The following IL15RA variants were observed in gnomAD, a reference collection of about 807,000 sequenced individuals.
The protein encoded by IL15RA is interleukin-15 receptor subunit alpha.
In IL15RA, 26 loss-of-function variants were observed where a neutral mutation model predicts 24.2. That is an observed-to-expected ratio of 1.07 (90% CI 0.79 to 1.49). IL15RA has a LOEUF of 1.49. Ranked by LOEUF, IL15RA falls within the 40% of genes most tolerant of loss-of-function variation. IL15RA has a pLI of 0.00. For missense variants in IL15RA, 354 were observed against 356.4 expected, an observed-to-expected ratio of 0.99 and a Z score of 0.05; for synonymous variants, 166 against 157.6, an observed-to-expected ratio of 1.05 and a Z score of -0.40.
Position 5,968,662 on chromosome 10 carries a change from C to T in IL15RA, c.89-2323G>A. On this transcript the variant is annotated intron_variant, in intron 1 of 6. Transcript: ENST00000379977. This position sits in a 1 kb window ranked among gnomAD's most constrained non-coding sequence, Gnocchi z 5.4. ...GCTGGAGTGTCAGAGGCTTTTTCTC[C>T]ATGTTCTGCTCCACACTGATCTTCT... The T allele has an allele frequency of 1.6e-6, 1 of 644,790 alleles. No individual in the cohort carries two copies. Among genetic ancestry groups the T allele is most frequent in the Admixed American group, 2.3e-5 (1 of 44,296 alleles). 39.9% of individuals were successfully genotyped at this position (644,790 alleles called of 1,614,324 possible).
chr10:5,957,265 TACA>T (rs1834678034), intron 5 of IL15RA, among the ~76,000 whole-genome samples: 1 of 151,978 alleles, frequency 6.6e-6, no homozygotes, highest in Non-Finnish European at 1.5e-5. Flanking sequence ...CCAGTCTACC[TACA>T]ACTTTTTCTT....
chr10:5,974,086 G>GC (rs1489428308), intron 1 of IL15RA, among the ~76,000 whole-genome samples: 1 of 151,922 alleles, frequency 6.6e-6, no homozygotes, highest in Non-Finnish European at 1.5e-5. Flanking sequence ...CGCAACCTCT[G>GC]CCTCCAGGGT....
chr10:5,957,288 CTTTTT>C (rs1834684973), intron 5 of IL15RA, among the ~76,000 whole-genome samples: 1 of 151,010 alleles, frequency 6.6e-6, no homozygotes. Context: ...TTCTTTCTTT[CTTTTT>C]GAGATGAAGT....
rs899886240 is a variant in IL15RA, at chr10:5,959,846, A to C, written c.584-60T>G. 1 of 1,556,424 alleles carries C rather than the reference A, an allele frequency of 6.4e-7. No individual in the cohort carries two copies. Among genetic ancestry groups the C allele is most frequent in the African/African-American group, 1.4e-5 (1 of 73,768 alleles). ...TCCTAGAGGTCCTAGTTCCTCATGA[A>C]GCAGGAGAAAATCTGCATGGCTTGG... On this transcript the variant is annotated intron_variant, in intron 4 of 6. Coordinates refer to ENST00000379977, the MANE Select transcript of IL15RA (RefSeq NM_002189.4). This position sits in a 1 kb window ranked among gnomAD's most constrained non-coding sequence, Gnocchi z 4.1.
At position 5,970,336 on chromosome 10, in the gene IL15RA, T is replaced by A. The variant is rs911669255; in HGVS notation, c.89-3997A>T. Among the ~76,000 whole-genome samples the A allele has an allele frequency of 6.6e-6, 1 of 152,242 alleles. No individual in the cohort carries two copies. The highest frequency in any genetic ancestry group is 2.4e-5 in the African/African-American group (1 of 41,460). ...TATTGTTCTATGTTTTGCTTTGACA[T>A]ATGTTATACCCCATGACACATTGTT... On this transcript the variant is annotated intron_variant, in intron 1 of 6. Coordinates refer to ENST00000379977, the MANE Select transcript of IL15RA (RefSeq NM_002189.4). This position sits in a 1 kb window ranked among gnomAD's most constrained non-coding sequence, Gnocchi z 4.1.
intron 5 of IL15RA, among the ~76,000 whole-genome samples, chr10:5,957,149 C>T (rs765974018): frequency 6.6e-6 from 1 of 150,530 alleles, no homozygotes; most frequent in Non-Finnish European, 1.5e-5. Flanking sequence ...TCAGTAGAGA[C>T]GGGGTTTCAC....
rs1837097088 is a variant in IL15RA, at chr10:5,968,962, C to T, written c.89-2623G>A. 6 of 1,534,658 alleles carry T rather than the reference C, an allele frequency of 3.9e-6. No homozygotes were observed. The highest frequency in any genetic ancestry group is 4.4e-6 in the Non-Finnish European group (5 of 1,146,160). On this transcript the variant is annotated intron_variant, in intron 1 of 6. Transcript: ENST00000379977. This position sits in a 1 kb window ranked among gnomAD's most constrained non-coding sequence, Gnocchi z 5.4. The stretch of plus-strand genomic sequence containing the variant: ...GGTTTTGTACAGGAAGTGTTCCCTG[C>T]CCATTTCCAGCAGCCGTGGACCTCC...
chr10:5,952,298 G>A (rs1833938380), downstream of IL15RA: 1 of 152,404 alleles, frequency 6.6e-6, no homozygotes, highest in African/African-American at 2.4e-5. Flanking sequence ...CCTGAACTCA[G>A]TCACCTTGGA....
chr10:5,965,413 C>T lies in IL15RA; in HGVS notation c.283+732G>A, dbSNP rs1309414078. Among the ~76,000 whole-genome samples, 4 of 152,238 alleles carry T rather than the reference C, an allele frequency of 2.6e-5. No homozygotes were observed. Among genetic ancestry groups the T allele is most frequent in the South Asian group, 2.1e-4 (1 of 4,830 alleles). On this transcript the variant is annotated intron_variant, in intron 2 of 6. Transcript: ENST00000379977. This position sits in a 1 kb window ranked among gnomAD's most constrained non-coding sequence, Gnocchi z 5.8. Reference sequence around the variant, plus strand: ...GAAATCCAAACATTTCTCACACTAGCGTGCTCATGAGTGCCCGCCCAGCTC... The same window carrying T: ...GAAATCCAAACATTTCTCACACTAGTGTGCTCATGAGTGCCCGCCCAGCTC...
In IL15RA at chr10:5,953,387, C is replaced by T. The variant is rs1834078939; in HGVS notation, c.693-181G>A. The T allele has an allele frequency of 5.6e-6, 4 of 712,906 alleles. 1 individual carries two copies. Among genetic ancestry groups the T allele is most frequent in the Middle Eastern group, 3.6e-4 (1 of 2,790 alleles). 44.2% of individuals were successfully genotyped at this position (712,906 alleles called of 1,614,324 possible). A position where few individuals can be genotyped will look rare whatever the true frequency, so the allele number is the denominator to read the frequency against. On this transcript the variant is annotated intron_variant, in intron 6 of 6. Transcript: ENST00000379977. The surrounding 1 kb of genome is among the most constrained non-coding windows in gnomAD (Gnocchi z 5.3). ...CAGAGATGGAGAGAACCTAGAATGC[C>T]TACCTCTACCGAGTGTATTAAATCC...
Position 5,975,226 on chromosome 10 carries a change from A to G in IL15RA, c.88+2179T>C, listed in dbSNP as rs1251121014. The stretch of plus-strand genomic sequence containing the variant: ...TGGCTAAACAAATGATGGGCTAGCC[A>G]TGGGTAGAATACTACTACTCAATGG... On this transcript the variant is annotated intron_variant, in intron 1 of 6. Transcript: ENST00000379977. This position sits in a 1 kb window ranked among gnomAD's most constrained non-coding sequence, Gnocchi z 4.8. Among the ~76,000 whole-genome samples the G allele has an allele frequency of 1.3e-5, 2 of 150,930 alleles. No homozygotes were observed. Among genetic ancestry groups the G allele is most frequent in the Admixed American group, 1.3e-4 (2 of 15,266 alleles).
chr10:5,961,306 A>T lies in IL15RA; in HGVS notation c.383-739T>A, dbSNP rs1331974090. On this transcript the variant is annotated intron_variant, in intron 3 of 6. Transcript: ENST00000379977. The surrounding 1 kb of genome is among the most constrained non-coding windows in gnomAD (Gnocchi z 5.2). ...ATAGTTCCAGCTATCTGAGAGGCTG[A>T]GGCAAGAGAATCACCTTAGCCTAGG... Among the ~76,000 whole-genome samples, 1 of 152,176 alleles carries T rather than the reference A, an allele frequency of 6.6e-6. No individual in the cohort carries two copies. The highest frequency in any genetic ancestry group is 1.5e-5 in the Non-Finnish European group (1 of 68,026).
rs981435616 is a variant in IL15RA, at chr10:5,971,165, G to A, written c.89-4826C>T. Among the ~76,000 whole-genome samples, 11 of 151,994 alleles carry A rather than the reference G, an allele frequency of 7.2e-5. No individual in the cohort carries two copies. The highest frequency in any genetic ancestry group is 1.6e-4 in the Non-Finnish European group (11 of 68,018). On this transcript the variant is annotated intron_variant, in intron 1 of 6. Transcript: ENST00000379977. This position sits in a 1 kb window ranked among gnomAD's most constrained non-coding sequence, Gnocchi z 5.5. Reference sequence around the variant, plus strand: ...TTGTTTACAATATTATAAGCTCCTTGCAGATGGTATGTATATTTCACAGTT... The same window carrying A: ...TTGTTTACAATATTATAAGCTCCTTACAGATGGTATGTATATTTCACAGTT...
Position 5,956,470 on chromosome 10 carries a change from C to G in IL15RA, c.617-16G>C. 1.9e-6 allele frequency: 3 copies of G among 1,597,554 alleles called. No homozygotes were observed. The highest frequency in any genetic ancestry group is 1.7e-6 in the Non-Finnish European group (2 of 1,164,988). On this transcript the variant is annotated splice_polypyrimidine_tract_variant and intron_variant, in intron 5 of 6. Coordinates refer to ENST00000379977, the MANE Select transcript of IL15RA (RefSeq NM_002189.4). ...GAGATAGCCACTGAAAGGGAGGAGA[C>G]CACGCTGAGATACCCAGAAGCACAT...
chr10:5,963,687 G>T lies in IL15RA; in HGVS notation c.382+56C>A. 8.9e-7 allele frequency: 1 copy of T among 1,126,206 alleles called. No homozygotes were observed. The highest frequency in any genetic ancestry group is 1.2e-6 in the Non-Finnish European group (1 of 810,794). The allele number at this position is 1,126,206 out of a possible 1,614,324, so 69.8% of individuals were successfully genotyped here. ...CGTGAGTCTGCAGGATTGGTGAGCG[G>T]GCCTCTGGGTGTTGGGAGGGAATGA... is the stretch of plus-strand genomic sequence containing the variant. On this transcript the variant is annotated intron_variant, in intron 3 of 6. Coordinates refer to ENST00000379977, the MANE Select transcript of IL15RA (RefSeq NM_002189.4). The surrounding 1 kb of genome is among the most constrained non-coding windows in gnomAD (Gnocchi z 5.3).
chr10:5,952,669 C>T lies in IL15RA; in HGVS notation c.*426G>A, dbSNP rs891476817. The T allele has an allele frequency of 3.5e-5, 7 of 198,554 alleles. No homozygotes were observed. The highest frequency in any genetic ancestry group is 1.3e-4 in the East Asian group (1 of 7,778). The allele number at this position is 198,554 out of a possible 1,614,324, so 12.3% of individuals were successfully genotyped here. Reference sequence around the variant, plus strand: ...GTGTCTTCCCTGTAGACGTCTCCCACGCCAGGAGAAGCCTTGTAATTGACA... The same window carrying T: ...GTGTCTTCCCTGTAGACGTCTCCCATGCCAGGAGAAGCCTTGTAATTGACA... On this transcript the variant is annotated 3_prime_UTR_variant, in exon 7 of 7. Transcript: ENST00000379977.
At position 5,953,244 on chromosome 10, in the gene IL15RA, G is replaced by A. The variant is rs754663042; in HGVS notation, c.693-38C>T. On this transcript the variant is annotated intron_variant, in intron 6 of 6. Transcript: ENST00000379977. The surrounding 1 kb of genome is among the most constrained non-coding windows in gnomAD (Gnocchi z 5.3). ...TGGTTCATAGGTTTTGAAAAGAGGA[G>A]GGGGTTGCCCTCAAATCAACAGACG... The A allele has an allele frequency of 2.7e-6, 4 of 1,484,544 alleles. No individual in the cohort carries two copies. Among genetic ancestry groups the A allele is most frequent in the South Asian group, 2.3e-5 (2 of 88,308 alleles). The allele number at this position is 1,484,544 out of a possible 1,614,324, so 92.0% of individuals were successfully genotyped here.
chr10:5,974,008 GAAA>G (rs142005407), intron 1 of IL15RA, among the ~76,000 whole-genome samples: 3 of 141,192 alleles, frequency 2.1e-5, no homozygotes, highest in Admixed American at 7.1e-5. Flanking sequence ...GACAGAGTCA[GAAA>G]AAAAAAAAAA....
At chr10:5,977,695 C>G, upstream of IL15RA, 1 of 1,216,134 alleles carries the variant, frequency 8.2e-7, no homozygotes, top group Non-Finnish European at 1.0e-6. Context: ...GGGAAGGAGC[C>G]CCGCCGGCCG....
Sources: allele counts gnomAD v4.1 joint callset (sites outside exome capture counted in the v4.1 genomes callset), GRCh38; gene constraint gnomAD v4.1.1; non-coding constraint Gnocchi (gnomAD v3.1); transcripts MANE v1.5; gene names NCBI Gene and HGNC (gene_info 2026-07-23, HGNC 2026-07-21).